Variants in FAM20A observed in about 807,000 individuals in gnomAD.
FAM20A encodes pseudokinase FAM20A.
A neutral mutation model predicts 52.0 loss-of-function variants in FAM20A; 42 were observed. That is an observed-to-expected ratio of 0.81 (90% confidence interval 0.63 to 1.04). The LOEUF (loss-of-function observed/expected upper bound fraction) is 1.04. FAM20A is among the 50% of genes least tolerant of loss of function. FAM20A has a pLI of 0.00. For synonymous variants in FAM20A, 304 were observed against 298.9 expected (o/e 1.02, Z -0.18); for missense variants, 742 against 712.7 (o/e 1.04, Z -0.47).
At position 68,536,169 on chromosome 17, in the gene FAM20A, A is replaced by G; in HGVS notation, c.*1308T>C. ...TGTCCAGTCGAGGCTATCTTTGCTC[A>G]CACTGCAGAAAGCTTGGAGACATTT... is the stretch of plus-strand genomic sequence containing the variant. On this transcript the variant is annotated 3_prime_UTR_variant, in exon 11 of 11. Transcript: ENST00000592554. 2.2e-6 allele frequency: 1 copy of G among 454,116 alleles called. No individual in the cohort carries two copies. The highest frequency in any genetic ancestry group is 1.6e-5 in the South Asian group (1 of 64,476). The allele number at this position is 454,116 out of a possible 1,614,324, so 28.1% of individuals were successfully genotyped here. A position where few individuals can be genotyped will look rare whatever the true frequency, so the allele number is the denominator to read the frequency against.
intron 1 of FAM20A, among the ~76,000 whole-genome samples, chr17:68,560,725 G>A (rs1368576881): frequency 2.6e-5 from 4 of 152,170 alleles, no homozygotes; most frequent in Non-Finnish European, 5.9e-5. Flanking sequence ...TCAGAGGGTA[G>A]GTGCATTTAT....
At chr17:68,587,791 G>A (rs189196608) in intron 1 of FAM20A, among the ~76,000 whole-genome samples, 9 of 152,290 alleles carry the variant, frequency 5.9e-5, no homozygotes, top group African/African-American at 2.2e-4. Context: ...GAAGTGGAAA[G>A]GACTCTACAT....
chr17:68,543,597 G>A, intron 5 of FAM20A, 32 bp downstream of exon 5: 1 of 1,594,794 alleles, frequency 6.3e-7, no homozygotes, highest in Non-Finnish European at 8.6e-7. Flanking sequence ...GGTCCTTATA[G>A]GCAATGCCAT....
chr17:68,544,969 C>T (rs1008166624), intron 4 of FAM20A, among the ~76,000 whole-genome samples: 3 of 152,172 alleles, frequency 2.0e-5, no homozygotes, highest in Admixed American at 6.5e-5. Flanking sequence ...CACTAATGCA[C>T]GTCTCATTGC....
chr17:68,571,192 G>C lies in FAM20A; in HGVS notation c.405-15449C>G, dbSNP rs80278381. On this transcript the variant is annotated intron_variant, in intron 1 of 10. Coordinates refer to ENST00000592554, the MANE Select transcript of FAM20A (RefSeq NM_017565.4). Reference sequence around the variant, plus strand: ...TGCTCATTGTGCTATACCATCAGAAGAGAAATGGAACAGCAATGAAAGAGC... The same window carrying C: ...TGCTCATTGTGCTATACCATCAGAACAGAAATGGAACAGCAATGAAAGAGC... Among the ~76,000 whole-genome samples the C allele has an allele frequency of 9.2e-3, 1,408 of 152,266 alleles. 105 individuals are homozygous for C. In the South Asian group the frequency reaches 0.15, roughly 17 times the overall value.
chr17:68,542,774 C>T lies in FAM20A; in HGVS notation c.848G>A (p.Gly283Glu). 1.2e-6 allele frequency: 2 copies of T among 1,614,138 alleles called. No homozygotes were observed. The highest frequency in any genetic ancestry group is 1.7e-6 in the Non-Finnish European group (2 of 1,180,016). The change falls in exon 6 of 11, where the codon GGG (glycine) becomes GAG (glutamate). Residue 283 changes from glycine to glutamate, a missense_variant. Coordinates refer to ENST00000592554, the MANE Select transcript of FAM20A (RefSeq NM_017565.4). ...LDFRRVPPTVGRIVNVTKEIL... is the reference protein window; with the variant it reads ...LDFRRVPPTVERIVNVTKEIL... Reference sequence around the variant, plus strand: ...TTCCTTGGTGACATTTACTATCCTCCCCACTGTTGGCGGCACCCGTCGGAA... The same window carrying T: ...TTCCTTGGTGACATTTACTATCCTCTCCACTGTTGGCGGCACCCGTCGGAA...
chr17:68,594,317 T>C (rs2088390427), intron 1 of FAM20A, among the ~76,000 whole-genome samples: 1 of 151,044 alleles, frequency 6.6e-6, no homozygotes. Context: ...GAGAATGGCG[T>C]GAACCCGGGA....
intron 1 of FAM20A, among the ~76,000 whole-genome samples, chr17:68,572,376 C>T (rs182062886): frequency 7.6e-4 from 116 of 152,186 alleles, no homozygotes; most frequent in African/African-American, 1.1e-3. Flanking sequence ...ACAATCCAGG[C>T]GTATTTGTTG....
chr17:68,574,081 T>A (rs1428264549), intron 1 of FAM20A, among the ~76,000 whole-genome samples: 1 of 152,064 alleles, frequency 6.6e-6, no homozygotes, highest in Non-Finnish European at 1.5e-5. Flanking sequence ...GTTCTTTTTT[T>A]TGAGACAGGG....
intron 3 of FAM20A, among the ~76,000 whole-genome samples, chr17:68,553,918 A>G (rs995516395): frequency 9.5e-6 from 1 of 105,294 alleles, no homozygotes; most frequent in Non-Finnish European, 1.9e-5. Flanking sequence ...ACATATATAC[A>G]CACATATATG....
intron 1 of FAM20A, among the ~76,000 whole-genome samples, chr17:68,596,841 T>C (rs908226120): frequency 6.6e-5 from 10 of 152,020 alleles, no homozygotes; most frequent in African/African-American, 2.4e-4. Context: ...TTAACTTGGA[T>C]TGTGCCACAC....
intron 1 of FAM20A, chr17:68,597,994 T>C (rs1453720623): frequency 6.8e-6 from 1 of 147,542 alleles, no homozygotes; most frequent in Non-Finnish European, 1.5e-5. Context: ...CTAATGAATC[T>C]TCTGTATGGT....
chr17:68,554,085 CATATAT>C (rs2086982936), intron 3 of FAM20A, among the ~76,000 whole-genome samples: 2 of 146,788 alleles, frequency 1.4e-5, no homozygotes, highest in Non-Finnish European at 3.0e-5. Flanking sequence ...CACATATATA[CATATAT>C]ACACACATAT....
rs1346568524 is a variant in FAM20A, at chr17:68,536,642, C to T, written c.*835G>A. 1 of 452,332 alleles carries T rather than the reference C, an allele frequency of 2.2e-6. No homozygotes were observed. The highest frequency in any genetic ancestry group is 4.4e-6 in the Non-Finnish European group (1 of 226,178). The allele number at this position is 452,332 out of a possible 1,614,324, so 28.0% of individuals were successfully genotyped here. Reference sequence around the variant, plus strand: ...AGGGAAGAAGATTGTGGTTGGTGGGCTGTAGTCAGCCTTGGCTCTTTTCCT... The same window carrying T: ...AGGGAAGAAGATTGTGGTTGGTGGGTTGTAGTCAGCCTTGGCTCTTTTCCT... On this transcript the variant is annotated 3_prime_UTR_variant, in exon 11 of 11. Transcript: ENST00000592554.
At chr17:68,553,198 C>G (rs2086923840) in intron 3 of FAM20A, among the ~76,000 whole-genome samples, 1 of 152,146 alleles carries the variant, frequency 6.6e-6, no homozygotes, top group Non-Finnish European at 1.5e-5. Context: ...GCTCTTCCCC[C>G]TTTGCATCCT....
chr17:68,573,348 C>A (rs1376315230), intron 1 of FAM20A, among the ~76,000 whole-genome samples: 1 of 152,206 alleles, frequency 6.6e-6, no homozygotes, highest in Non-Finnish European at 1.5e-5. Context: ...TGTTTCTTAG[C>A]CTGTTTTTTG....
chr17:68,595,186 G>A (rs2088419780), intron 1 of FAM20A, among the ~76,000 whole-genome samples: 1 of 152,254 alleles, frequency 6.6e-6, no homozygotes, highest in Non-Finnish European at 1.5e-5. Flanking sequence ...CTTGGTTGTG[G>A]TGAAAGAAGA....
At chr17:68,596,327 G>A (rs1189991873) in intron 1 of FAM20A, among the ~76,000 whole-genome samples, 1 of 152,200 alleles carries the variant, frequency 6.6e-6, no homozygotes, top group African/African-American at 2.4e-5. Flanking sequence ...TGTTATAGCT[G>A]CTGGGGTTTC....
At chr17:68,559,416 A>C (rs967287639) in intron 1 of FAM20A, among the ~76,000 whole-genome samples, 4 of 152,190 alleles carry the variant, frequency 2.6e-5, no homozygotes, top group African/African-American at 9.7e-5. Context: ...CCTTTTAAGG[A>C]AAGAGAAAAA....
Sources: gnomAD v4.1 joint callset for allele counts (sites outside exome capture counted in the v4.1 genomes callset) on GRCh38, gnomAD v4.1.1 for gene constraint, MANE v1.5 for transcripts, NCBI Gene and HGNC (gene_info 2026-07-23, HGNC 2026-07-21) for gene names.